Variants in KCNQ5 observed in about 807,000 individuals in gnomAD.
KCNQ5 encodes the protein potassium voltage-gated channel subfamily Q member 5, also known as potassium voltage-gated channel subfamily KQT member 5.
KCNQ5 carries 30 observed loss-of-function variants against 98.2 expected under a neutral mutation model. The observed-to-expected ratio is 0.31, with a 90% CI of 0.23 to 0.41. The LOEUF (loss-of-function observed/expected upper bound fraction) is 0.41, where lower values mean the gene tolerates loss of function less well. Ranked by LOEUF, KCNQ5 falls within the 10% of genes least tolerant of loss-of-function variation. KCNQ5 has a pLI of 1.00. For missense variants in KCNQ5, 835 were observed against 1,182.5 expected (o/e 0.71, Z 4.31); for synonymous variants, 458 against 449.4 (o/e 1.02, Z -0.24).
Position 73,195,237 on chromosome 6 carries a change from A to G in KCNQ5, c.2622A>G (p.Glu874=), listed in dbSNP as rs763268296. 3.7e-6 allele frequency: 6 copies of G among 1,614,186 alleles called. No homozygotes were observed. The South Asian group carries it at 6.6e-5, about 18-fold the overall frequency. The stretch of plus-strand genomic sequence containing the variant: ...AATCCAAATTGTTTATAACTGATGA[A>G]GAGGTGGGTCCCGAAGAGACAGAGA... The part of the protein sequence containing the change: ...WRESKLFITD[E]EVGPEETETD... Residue 874 remains glutamate (E), a synonymous_variant, in exon 14 of 14, where the codon GAA becomes GAG. Coordinates refer to ENST00000370398, the MANE Select transcript of KCNQ5 (RefSeq NM_019842.4).
chr6:72,808,244 G>A (rs1271547332), intron 1 of KCNQ5, among the ~76,000 whole-genome samples: 1 of 152,156 alleles, frequency 6.6e-6, no homozygotes. Context: ...TGAATATTTT[G>A]CAAACAATCA....
chr6:73,144,770 A>G (rs9446851), intron 10 of KCNQ5, among the ~76,000 whole-genome samples: 42,287 of 152,094 alleles, frequency 0.28, 11,505 homozygotes, highest in African/African-American at 0.71. Context: ...TCTCAGTTAG[A>G]ATTACTGCTC....
intron 1 of KCNQ5, among the ~76,000 whole-genome samples, chr6:72,714,748 A>T (rs1261138024): frequency 6.6e-6 from 1 of 152,314 alleles, no homozygotes; most frequent in South Asian, 2.1e-4. Flanking sequence ...CAGTTTCTAA[A>T]TGATAACTGC....
chr6:73,036,305 T>G (rs1771422922), intron 2 of KCNQ5, among the ~76,000 whole-genome samples: 1 of 141,942 alleles, frequency 7.0e-6, no homozygotes, highest in South Asian at 2.2e-4. Context: ...CGAATGGCAT[T>G]AACCAGGGAG....
At chr6:72,830,389 T>G (rs997071128) in intron 1 of KCNQ5, among the ~76,000 whole-genome samples, 1 of 152,120 alleles carries the variant, frequency 6.6e-6, no homozygotes, top group Admixed American at 6.5e-5. Flanking sequence ...AACAGAGATA[T>G]AGACCAATGG....
chr6:73,157,750 G>T, intron 10 of KCNQ5: 1 of 778,442 alleles, frequency 1.3e-6, no homozygotes, highest in Non-Finnish European at 2.4e-6. Flanking sequence ...GATGAAGTAA[G>T]TGTGCTCCTA....
chr6:73,018,937 C>A (rs988627025), intron 2 of KCNQ5, among the ~76,000 whole-genome samples: 1 of 152,158 alleles, frequency 6.6e-6, no homozygotes, highest in African/African-American at 2.4e-5. Context: ...TTTGGATACT[C>A]GCTCTTCCTT....
intron 1 of KCNQ5, among the ~76,000 whole-genome samples, chr6:72,680,244 A>G (rs576654217): frequency 4.5e-4 from 68 of 152,132 alleles, no homozygotes; most frequent in African/African-American, 1.5e-3. Context: ...ATCTCTATGT[A>G]TTTGCCTATT....
chr6:72,981,823 G>A (rs981007566), intron 1 of KCNQ5, among the ~76,000 whole-genome samples: 3 of 152,170 alleles, frequency 2.0e-5, no homozygotes, highest in African/African-American at 7.2e-5. Context: ...TCTACACACT[G>A]CTTTAAATGT....
At chr6:72,926,586 T>G (rs1765430592) in intron 1 of KCNQ5, among the ~76,000 whole-genome samples, 1 of 152,170 alleles carries the variant, frequency 6.6e-6, no homozygotes, top group South Asian at 2.1e-4. Context: ...TTAGAATTTT[T>G]CATTTAATTA....
intron 1 of KCNQ5, among the ~76,000 whole-genome samples, chr6:72,655,883 A>G (rs1766167247): frequency 6.6e-6 from 1 of 152,178 alleles, no homozygotes; most frequent in African/African-American, 2.4e-5. Flanking sequence ...ACTTATTGTT[A>G]TAGTTTAGCA....
At chr6:72,868,816 G>A (rs1778093140) in intron 1 of KCNQ5, among the ~76,000 whole-genome samples, 1 of 152,188 alleles carries the variant, frequency 6.6e-6, no homozygotes, top group Admixed American at 6.5e-5. Context: ...GGAAGGTAAT[G>A]AAAATAGGGA....
intron 11 of KCNQ5, among the ~76,000 whole-genome samples, chr6:73,180,528 A>C (rs1414208917): frequency 6.6e-6 from 1 of 152,178 alleles, no homozygotes; most frequent in African/African-American, 2.4e-5. Context: ...AGATTTTGCA[A>C]GCTGGCATGA....
intron 5 of KCNQ5, among the ~76,000 whole-genome samples, chr6:73,104,035 G>A (rs1178732471): frequency 3.3e-5 from 5 of 151,772 alleles, no homozygotes; most frequent in Non-Finnish European, 7.4e-5. Flanking sequence ...TTATTAGTTT[G>A]ATTTAAAAAA....
At chr6:73,181,058 T>C (rs1178378698) in intron 11 of KCNQ5, among the ~76,000 whole-genome samples, 1 of 152,202 alleles carries the variant, frequency 6.6e-6, no homozygotes, top group Non-Finnish European at 1.5e-5. Flanking sequence ...TACATTTCCT[T>C]ATAAGTGCAC....
At chr6:72,737,888 G>T (rs1228813286) in intron 1 of KCNQ5, among the ~76,000 whole-genome samples, 1 of 152,142 alleles carries the variant, frequency 6.6e-6, no homozygotes, top group Non-Finnish European at 1.5e-5. Flanking sequence ...GGGCGCAGTG[G>T]CTCACACCTC....
At chr6:72,951,626 C>T (rs1435636830) in intron 1 of KCNQ5, among the ~76,000 whole-genome samples, 1 of 152,018 alleles carries the variant, frequency 6.6e-6, no homozygotes, top group Non-Finnish European at 1.5e-5. Flanking sequence ...GATATGTCCT[C>T]CCCTAAGATA....
intron 1 of KCNQ5, among the ~76,000 whole-genome samples, chr6:72,957,471 G>A (rs1027552787): frequency 6.6e-6 from 1 of 151,896 alleles, no homozygotes; most frequent in Non-Finnish European, 1.5e-5. Flanking sequence ...GCACCCAGCC[G>A]TAGGAAGCTT....
At chr6:72,909,730 A>C (rs2150203730) in intron 1 of KCNQ5, among the ~76,000 whole-genome samples, 1 of 152,354 alleles carries the variant, frequency 6.6e-6, no homozygotes, top group Non-Finnish European at 1.5e-5. Flanking sequence ...GCTTCCTAAT[A>C]TAGAAGACAG....
Sources: gnomAD v4.1 joint callset for allele counts (sites outside exome capture counted in the v4.1 genomes callset) on GRCh38, gnomAD v4.1.1 for gene constraint, MANE v1.5 for transcripts, NCBI Gene and HGNC (gene_info 2026-07-23, HGNC 2026-07-21) for gene names.